GC: variants seen among roughly 807,000 people sequenced by gnomAD.
GC encodes GC vitamin D binding protein.
A neutral mutation model predicts 56.7 loss-of-function variants in GC; 43 were observed. The observed-to-expected ratio is 0.76, with a 90% CI of 0.59 to 0.98. GC has a LOEUF of 0.98. Ranked by LOEUF, GC falls within the 50% of genes least tolerant of loss-of-function variation. The pLI, the probability that GC is intolerant of heterozygous loss-of-function variation, is 0.00. For synonymous variants in GC, 216 were observed against 202.7 expected (o/e 1.07, Z -0.56); for missense variants, 529 against 545.9 (o/e 0.97, Z 0.31).
At chr4:71,800,473 G>A (rs1004862264) in intron 1 of GC, among the ~76,000 whole-genome samples, 5 of 152,142 alleles carry the variant, frequency 3.3e-5, no homozygotes, top group Non-Finnish European at 7.4e-5. Context: ...TCTTTATGCA[G>A]TCTGTCACTG....
chr4:71,748,930 G>C (rs1258766123), intron 11 of GC, among the ~76,000 whole-genome samples: 1 of 152,064 alleles, frequency 6.6e-6, no homozygotes, highest in Non-Finnish European at 1.5e-5. Flanking sequence ...GTTTTTTCAA[G>C]CAAATGTATG....
intron 11 of GC, among the ~76,000 whole-genome samples, chr4:71,750,908 A>C (rs1279083726): frequency 6.6e-6 from 1 of 152,076 alleles, no homozygotes; most frequent in Non-Finnish European, 1.5e-5. Context: ...AACAAAAAAA[A>C]AACGGGTTTA....
chr4:71,785,987 A>G (rs916431696), upstream of GC: 2 of 151,860 alleles, frequency 1.3e-5, no homozygotes, highest in African/African-American at 4.8e-5. Context: ...AGACACACTC[A>G]GATTATTTTC....
chr4:71,757,374 A>G (rs1741815036), intron 7 of GC, among the ~76,000 whole-genome samples: 1 of 152,302 alleles, frequency 6.6e-6, no homozygotes, highest in East Asian at 1.9e-4. Context: ...TAATGGAAAA[A>G]GACAAGGCAA....
chr4:71,777,968 G>A (rs950598440), intron 1 of GC, among the ~76,000 whole-genome samples: 8 of 151,418 alleles, frequency 5.3e-5, no homozygotes, highest in Non-Finnish European at 1.2e-4. Flanking sequence ...AAACCACCAT[G>A]GAACATGTAT....
chr4:71,785,320 A>G (rs1051158752), upstream of GC, among the ~76,000 whole-genome samples: 4 of 151,734 alleles, frequency 2.6e-5, no homozygotes, highest in African/African-American at 2.4e-5. Context: ...GTGAAGGTCA[A>G]TGAAACTAAT....
intron 1 of GC, among the ~76,000 whole-genome samples, chr4:71,776,889 G>A (rs555218953): frequency 2.7e-4 from 41 of 151,792 alleles, no homozygotes; most frequent in South Asian, 2.1e-3. Context: ...TGTATAAACC[G>A]AAATCAAATT....
chr4:71,802,436 G>C (rs1475367775), intron 1 of GC, among the ~76,000 whole-genome samples: 2 of 152,108 alleles, frequency 1.3e-5, no homozygotes, highest in Non-Finnish European at 2.9e-5. Flanking sequence ...AGATCTTTAG[G>C]ATAGCCTAAT....
chr4:71,782,708 A>G (rs1019147746), intron 1 of GC, among the ~76,000 whole-genome samples: 1 of 151,758 alleles, frequency 6.6e-6, no homozygotes, highest in African/African-American at 2.4e-5. Context: ...TATAATTCCA[A>G]TTCCTAGCCA....
intron 1 of GC, among the ~76,000 whole-genome samples, chr4:71,770,040 G>C (rs1045262178): frequency 6.6e-6 from 1 of 152,148 alleles, no homozygotes; most frequent in Non-Finnish European, 1.5e-5. Flanking sequence ...GGTGAGTCTG[G>C]GGGATGGTGG....
At chr4:71,776,980 TC>T (rs1484040473) in intron 1 of GC, among the ~76,000 whole-genome samples, 1 of 151,916 alleles carries the variant, frequency 6.6e-6, no homozygotes, top group Non-Finnish European at 1.5e-5. Context: ...GTCAAACAGA[TC>T]CCCGAGCCAT....
At chr4:71,800,130 A>G (rs1743215094) in intron 1 of GC, among the ~76,000 whole-genome samples, 1 of 150,640 alleles carries the variant, frequency 6.6e-6, no homozygotes, top group African/African-American at 2.5e-5. Flanking sequence ...CAGGTTTGTT[A>G]TATAGGTAAA....
chr4:71,781,352 T>G (rs1742673458), intron 1 of GC, among the ~76,000 whole-genome samples: 2 of 151,764 alleles, frequency 1.3e-5, no homozygotes, highest in Non-Finnish European at 2.9e-5. Context: ...AACCTGCACA[T>G]TGTGCACATG....
chr4:71,770,662 G>A (rs529197407), intron 1 of GC, among the ~76,000 whole-genome samples: 14 of 152,244 alleles, frequency 9.2e-5, no homozygotes, highest in South Asian at 2.1e-4. Context: ...AGCCTAGAGC[G>A]TAGGAGGAAG....
intron 3 of GC, among the ~76,000 whole-genome samples, chr4:71,767,386 G>A (rs1368385092): frequency 6.6e-6 from 1 of 151,960 alleles, no homozygotes; most frequent in Non-Finnish European, 1.5e-5. Context: ...GAACATGTCA[G>A]CATTTTAATT....
chr4:71,769,970 G>A (rs1742294652), intron 1 of GC, among the ~76,000 whole-genome samples: 1 of 152,158 alleles, frequency 6.6e-6, no homozygotes, highest in Admixed American at 6.6e-5. Flanking sequence ...CTAAGGGAAG[G>A]CTAGGAATTC....
Position 71,754,392 on chromosome 4 carries a change from G to A in GC, c.1262+19C>T. 1 of 1,132,868 alleles carries A rather than the reference G, an allele frequency of 8.8e-7. No individual in the cohort carries two copies. Among genetic ancestry groups the A allele is most frequent in the Non-Finnish European group, 1.3e-6 (1 of 754,892 alleles). 70.2% of individuals were successfully genotyped at this position (1,132,868 alleles called of 1,614,324 possible). A position where few individuals can be genotyped will look rare whatever the true frequency, so the allele number is the denominator to read the frequency against. On this transcript the variant is annotated intron_variant, in intron 10 of 12. Transcript: ENST00000273951. ...ATTATTGATAAATTTGGAGGATACA[G>A]CCAGAACAAGTTTCTTACTTTTTCT...
chr4:71,800,902 G>T (rs1037673977), intron 1 of GC, among the ~76,000 whole-genome samples: 5 of 152,060 alleles, frequency 3.3e-5, no homozygotes, highest in African/African-American at 1.2e-4. Context: ...TAGAAGATTG[G>T]GGTACTCCTC....
upstream of GC, among the ~76,000 whole-genome samples, chr4:71,786,602 A>G (rs1309504955): frequency 6.6e-6 from 1 of 151,774 alleles, no homozygotes; most frequent in Non-Finnish European, 1.5e-5. Flanking sequence ...CCATCTTGCC[A>G]TTGGCTTCAG....
Sources: allele counts gnomAD v4.1 joint callset (sites outside exome capture counted in the v4.1 genomes callset), GRCh38; gene constraint gnomAD v4.1.1; transcripts MANE v1.5; gene names NCBI Gene and HGNC (gene_info 2026-07-23, HGNC 2026-07-21).